The following JMJD1C variants were observed in gnomAD, a reference collection of about 807,000 sequenced individuals.
The protein encoded by JMJD1C is jumonji domain containing 1C.
Under a neutral mutation model 245.3 loss-of-function variants are expected in JMJD1C, and 31 were observed. The ratio of observed to expected loss-of-function variants is 0.13; its 90% CI spans 0.09 to 0.17. The LOEUF (loss-of-function observed/expected upper bound fraction) is 0.17. Ranked by LOEUF, JMJD1C falls within the 10% of genes least tolerant of loss-of-function variation. JMJD1C has a pLI of 1.00. For missense variants in JMJD1C, 2,691 were observed against 3,000.2 expected (o/e 0.90, Z 2.41); for synonymous variants, 1,057 against 1,017.4 (o/e 1.04, Z -0.74).
In JMJD1C at chr10:63,336,259, G is replaced by A. The variant is rs141196418; in HGVS notation, c.333+44059C>T. Among the ~76,000 whole-genome samples the A allele has an allele frequency of 7.2e-4, 108 of 150,924 alleles. No homozygotes were observed. The East Asian group carries it at 0.017, about 24-fold the overall frequency. ...GAGGATCACCTGAGGTCAGGAGTTC[G>A]AGACCAGCCTGGCCAACATGGTGAA... On this transcript the variant is annotated intron_variant, in intron 2 of 25. Coordinates refer to ENST00000399262, the MANE Select transcript of JMJD1C (RefSeq NM_032776.3).
chr10:63,270,415 C>T (rs922242171), intron 2 of JMJD1C, among the ~76,000 whole-genome samples: 55 of 152,024 alleles, frequency 3.6e-4, no homozygotes, highest in African/African-American at 1.3e-3. Flanking sequence ...GCTATCCACC[C>T]GCCTCGGCCT....
In JMJD1C at chr10:63,371,361, A is replaced by C. The variant is rs548689830; in HGVS notation, c.333+8957T>G. ...TTAAATTTTCTCTACATTTTCCTAA[A>C]GTATGTACAATTATCACTTTTAAAG... is the stretch of plus-strand genomic sequence containing the variant. On this transcript the variant is annotated intron_variant, in intron 2 of 25. Transcript: ENST00000399262. Among the ~76,000 whole-genome samples the C allele has an allele frequency of 2.0e-5, 3 of 152,296 alleles. No individual in the cohort carries two copies. In the South Asian group the frequency reaches 6.2e-4, roughly 32 times the overall value.
intron 1 of JMJD1C, chr10:63,465,265 C>T (rs1277162147): frequency 3.9e-6 from 2 of 516,818 alleles, no homozygotes; most frequent in African/African-American, 4.0e-5. Flanking sequence ...GGGCAGCCTC[C>T]GCGGCTATCC....
chr10:63,521,556 G>A, intron 1 of JMJD1C: 1 of 1,437,822 alleles, frequency 7.0e-7, no homozygotes, highest in African/African-American at 1.5e-5. Flanking sequence ...ATGGTGTCCT[G>A]GATGATCTCC....
intron 2 of JMJD1C, among the ~76,000 whole-genome samples, chr10:63,357,155 T>C (rs1944916154): frequency 6.6e-6 from 1 of 151,990 alleles, no homozygotes; most frequent in South Asian, 2.1e-4. Flanking sequence ...TGCCTCAGCC[T>C]CCCCAGTAGC....
intron 3 of JMJD1C, 106 bp downstream of exon 3, chr10:63,264,545 A>G: frequency 1.7e-6 from 1 of 593,540 alleles, no homozygotes; most frequent in Non-Finnish European, 2.9e-6. Context: ...TCACACAACT[A>G]GAAGTTAGAT....
intron 3 of JMJD1C, among the ~76,000 whole-genome samples, chr10:63,245,518 T>G (rs1852094872): frequency 7.0e-6 from 1 of 143,458 alleles, no homozygotes; most frequent in Admixed American, 7.2e-5. Flanking sequence ...GTCTTGCTCT[T>G]GTCCCCCAGG....
chr10:63,444,563 C>T (rs1203714644), intron 1 of JMJD1C, among the ~76,000 whole-genome samples: 2 of 152,114 alleles, frequency 1.3e-5, no homozygotes, highest in African/African-American at 2.4e-5. Flanking sequence ...CGTGCGCCTC[C>T]GTACCCGGTG....
Position 63,183,412 on chromosome 10 carries a change from C to T in JMJD1C, c.7084+35G>A, listed in dbSNP as rs759508117. 5 of 1,572,050 alleles carry T rather than the reference C, an allele frequency of 3.2e-6. No homozygotes were observed. In the East Asian group the frequency reaches 1.1e-4, roughly 36 times the overall value. ...TACTAGTGAATGTGATTATTCAACT[C>T]TTATTTCAAAGACTACTTATTCTTT... On this transcript the variant is annotated intron_variant, in intron 22 of 25. Transcript: ENST00000399262.
upstream of JMJD1C, among the ~76,000 whole-genome samples, chr10:63,468,991 GT>G (rs564124462): frequency 2.6e-5 from 4 of 151,918 alleles, no homozygotes; most frequent in South Asian, 8.3e-4. Context: ...AAACTATTTT[GT>G]TTTTTTAAAA....
intron 3 of JMJD1C, among the ~76,000 whole-genome samples, chr10:63,236,513 C>T (rs1253850706): frequency 6.6e-6 from 1 of 152,118 alleles, no homozygotes; most frequent in Non-Finnish European, 1.5e-5. Context: ...TTCTTTCAAG[C>T]TATTTATTGG....
intron 1 of JMJD1C, among the ~76,000 whole-genome samples, chr10:63,510,304 A>G (rs966265321): frequency 6.6e-6 from 1 of 152,172 alleles, no homozygotes; most frequent in East Asian, 1.9e-4. Context: ...CGCTCGGCCA[A>G]TTTTGGATCT....
At chr10:63,410,631 T>C (rs1304067007) in intron 1 of JMJD1C, among the ~76,000 whole-genome samples, 1 of 152,190 alleles carries the variant, frequency 6.6e-6, no homozygotes, top group Non-Finnish European at 1.5e-5. Flanking sequence ...TACCCTTTCC[T>C]TGAGTTAGCA....
At chr10:63,472,039 AAAACAAACAAAC>A (rs1055525050) in intron 1 of JMJD1C, among the ~76,000 whole-genome samples, 1 of 152,126 alleles carries the variant, frequency 6.6e-6, no homozygotes, top group South Asian at 2.1e-4. Flanking sequence ...ACTCAGTCTC[AAAACAAACAAAC>A]AAACAAACAA....
intron 2 of JMJD1C, among the ~76,000 whole-genome samples, chr10:63,305,649 T>TGTGTGC (rs1461602716): frequency 8.0e-6 from 1 of 124,618 alleles, no homozygotes; most frequent in Non-Finnish European, 1.8e-5. Flanking sequence ...TGTGTGTGTG[T>TGTGTGC]GTGTGTGTGT....
intron 2 of JMJD1C, among the ~76,000 whole-genome samples, chr10:63,315,035 C>T (rs991552072): frequency 2.0e-5 from 3 of 147,972 alleles, no homozygotes; most frequent in Non-Finnish European, 4.5e-5. Flanking sequence ...CTCAGTGCAA[C>T]CTCCGCCTCC....
intron 5 of JMJD1C, among the ~76,000 whole-genome samples, chr10:63,216,433 G>A (rs72829184): frequency 0.2 from 30,630 of 151,964 alleles, 4,046 homozygotes; most frequent in Non-Finnish European, 0.29. Flanking sequence ...CATAGGAGCC[G>A]GGCGCGGTGG....
chr10:63,305,459 CCTCTCTCTCTCT>C (rs371564275), intron 2 of JMJD1C, among the ~76,000 whole-genome samples: 14 of 113,076 alleles, frequency 1.2e-4, no homozygotes, highest in African/African-American at 2.0e-4. Flanking sequence ...ACGCTCTGAC[CCTCTCTCTCTCT>C]CTCTCTCTCT....
chr10:63,257,307 A>G (rs1854106801), intron 3 of JMJD1C, among the ~76,000 whole-genome samples: 1 of 152,054 alleles, frequency 6.6e-6, no homozygotes. Context: ...AATCTAAATG[A>G]TCCTGGTTTT....
Sources: allele counts gnomAD v4.1 joint callset (sites outside exome capture counted in the v4.1 genomes callset), GRCh38; gene constraint gnomAD v4.1.1; transcripts MANE v1.5; gene names NCBI Gene and HGNC (gene_info 2026-07-23, HGNC 2026-07-21).